Variants in LRRC8C observed in about 807,000 individuals in gnomAD.
LRRC8C encodes the protein leucine rich repeat containing 8 VRAC subunit C.
LRRC8C carries 20 observed loss-of-function variants against 55.3 expected under a neutral mutation model. The observed-to-expected ratio is 0.36, with a 90% CI of 0.25 to 0.53. The LOEUF (loss-of-function observed/expected upper bound fraction) is 0.53, where lower values mean the gene tolerates loss of function less well. Among genes scored for constraint, LRRC8C ranks in the 20% least tolerant of loss-of-function variants. LRRC8C has a pLI of 0.92. For synonymous variants in LRRC8C, 376 were observed against 360.7 expected, an observed-to-expected ratio of 1.04 and a Z score of -0.48; for missense variants, 659 against 951.4, an observed-to-expected ratio of 0.69 and a Z score of 4.04.
At chr1:89,687,828 A>G (rs148436426) in intron 2 of LRRC8C, among the ~76,000 whole-genome samples, 160 of 152,352 alleles carry the variant, frequency 1.1e-3, no homozygotes, top group African/African-American at 3.7e-3. Context: ...TTTTTCGGGT[A>G]GATCAGCTGG....
intron 2 of LRRC8C, among the ~76,000 whole-genome samples, chr1:89,692,410 GTTGATAT>G (rs1658051043): frequency 6.6e-6 from 1 of 152,174 alleles, no homozygotes; most frequent in South Asian, 2.1e-4. Flanking sequence ...CAAGTTAACA[GTTGATAT>G]CTGTTTACTC....
At chr1:89,706,886 G>A (rs1658495739) in intron 2 of LRRC8C, among the ~76,000 whole-genome samples, 1 of 152,128 alleles carries the variant, frequency 6.6e-6, no homozygotes, top group African/African-American at 2.4e-5. Flanking sequence ...AAAAATAGCT[G>A]TTGTGTTTTC....
At position 89,713,721 on chromosome 1, in the gene LRRC8C, A is replaced by C; in HGVS notation, c.1151A>C (p.Tyr384Ser). 6.2e-7 allele frequency: 1 copy of C among 1,614,198 alleles called. No individual in the cohort carries two copies. The highest frequency in any genetic ancestry group is 8.5e-7 in the Non-Finnish European group (1 of 1,180,032). ...ATGATAGATCAGTATGACCCTCTCT[A>C]TTCCAAGAGATTTGCAGTGTTCCTG... ...LHMIDQYDPLYSKRFAVFLSE... is the reference protein window; with the variant it reads ...LHMIDQYDPLSSKRFAVFLSE... The change falls in exon 3 of 3, where the codon TAT (tyrosine) becomes TCT (serine). Residue 384 changes from tyrosine to serine, a missense_variant. By Grantham distance (144) the Tyr-to-Ser change is moderately radical. Transcript: ENST00000370454. This position sits in a 1 kb window ranked among gnomAD's most constrained non-coding sequence, Gnocchi z 5.2.
At chr1:89,706,699 A>G (rs1227471237) in intron 2 of LRRC8C, among the ~76,000 whole-genome samples, 1 of 152,136 alleles carries the variant, frequency 6.6e-6, no homozygotes, top group Admixed American at 6.5e-5. Flanking sequence ...CTAGATTCGA[A>G]CAGCATTTTC....
chr1:89,680,520 A>T, intron 1 of LRRC8C, among the ~76,000 whole-genome samples: 1 of 137,632 alleles, frequency 7.3e-6, no homozygotes, highest in East Asian at 2.2e-4. Flanking sequence ...TTGGTAGTTG[A>T]TAAGTGCCAG....
intron 1 of LRRC8C, among the ~76,000 whole-genome samples, chr1:89,677,770 A>G (rs1376542603): frequency 6.6e-6 from 1 of 152,136 alleles, no homozygotes; most frequent in Non-Finnish European, 1.5e-5. Flanking sequence ...ATACATTTCT[A>G]CAGAACCATA....
chr1:89,644,941 G>A (rs993517866), intron 1 of LRRC8C, among the ~76,000 whole-genome samples: 3 of 152,052 alleles, frequency 2.0e-5, no homozygotes, highest in Non-Finnish European at 2.9e-5. Flanking sequence ...TTTTCCAAAG[G>A]GAAATAATAG....
rs755192499 is a variant in LRRC8C, at chr1:89,712,841, C to A, written c.271C>A (p.Pro91Thr). Reference protein sequence around the residue: ...LPPPKPSPANPITVEMKGLKT... With the variant: ...LPPPKPSPANTITVEMKGLKT... ...TCCACCTAAACCATCTCCTGCTAACCCCATCACTGTGGAAATGAAAGGCCT... is the reference window on the plus strand; with the variant it reads ...TCCACCTAAACCATCTCCTGCTAACACCATCACTGTGGAAATGAAAGGCCT... Residue 91 changes from proline to threonine, a missense_variant, in exon 3 of 3, where the codon CCC (proline) becomes ACC (threonine). By Grantham distance (38) the Pro-to-Thr change is conservative. Coordinates refer to ENST00000370454, the MANE Select transcript of LRRC8C (RefSeq NM_032270.5). The A allele has an allele frequency of 6.2e-7, 1 of 1,614,100 alleles. No individual in the cohort carries two copies. The highest frequency in any genetic ancestry group is 1.3e-5 in the African/African-American group (1 of 74,930).
At position 89,707,724 on chromosome 1, in the gene LRRC8C, C is replaced by A. The variant is rs547252788; in HGVS notation, c.139-4985C>A. 9.5e-4 allele frequency among the ~76,000 whole-genome samples: 145 copies of A among 151,930 alleles called. 1 individual carries two copies. Among genetic ancestry groups the A allele is most frequent in the African/African-American group, 3.4e-3 (141 of 41,340 alleles). The stretch of plus-strand genomic sequence containing the variant: ...GAAAGATTGAAAGGTATTTCTATCT[C>A]AAAATAGAAATAATGAGCATATACT... On this transcript the variant is annotated intron_variant, in intron 2 of 2. Transcript: ENST00000370454.
the LRRC8C span, among the ~76,000 whole-genome samples, chr1:89,620,211 T>C: frequency 2.7e-3 from 413 of 152,222 alleles, 1 homozygote; most frequent in African/African-American, 9.5e-3. Flanking sequence ...ATTAATCCCA[T>C]TCATGATGCT....
intron 2 of LRRC8C, among the ~76,000 whole-genome samples, chr1:89,692,830 A>T (rs1658061464): frequency 1.3e-5 from 2 of 152,212 alleles, no homozygotes; most frequent in Non-Finnish European, 2.9e-5. Context: ...CATTCAACAA[A>T]ATAGACCATA....
At chr1:89,680,338 A>G (rs1439702562) in intron 1 of LRRC8C, among the ~76,000 whole-genome samples, 1 of 152,040 alleles carries the variant, frequency 6.6e-6, no homozygotes, top group Non-Finnish European at 1.5e-5. Flanking sequence ...CGGCCTCCCA[A>G]AGTGCTGGGA....
At chr1:89,665,320 T>C (rs1657230605) in intron 1 of LRRC8C, among the ~76,000 whole-genome samples, 1 of 152,214 alleles carries the variant, frequency 6.6e-6, no homozygotes, top group South Asian at 2.1e-4. Context: ...ACCTAGTTTA[T>C]TGAGAGTTTT....
At position 89,712,925 on chromosome 1, in the gene LRRC8C, G is replaced by T. The variant is rs1399771870; in HGVS notation, c.355G>T (p.Ala119Ser). ...TATAAATCAGATGTGTTATGAGCGA[G>T]CCCTCCACTGGTATGCCAAGTATTT... is the stretch of plus-strand genomic sequence containing the variant. ...SFINQMCYER[A>S]LHWYAKYFPY... The change falls in exon 3 of 3, where the codon GCC becomes TCC. Residue 119 changes from alanine (A) to serine (S), a missense_variant. By Grantham distance (99) the Ala-to-Ser change is moderately conservative. This residue lies in a region of LRRC8C where 200 missense variants were observed against 360.5 expected (regional missense o/e 0.55). Transcript: ENST00000370454. The T allele has an allele frequency of 1.9e-6, 3 of 1,614,158 alleles. No individual in the cohort carries two copies. The highest frequency in any genetic ancestry group is 2.5e-6 in the Non-Finnish European group (3 of 1,180,018).
the LRRC8C span, among the ~76,000 whole-genome samples, chr1:89,619,875 C>T: frequency 6.6e-6 from 1 of 152,072 alleles, no homozygotes; most frequent in African/African-American, 2.4e-5. Flanking sequence ...CTATAATTAC[C>T]CCCATTTATT....
In LRRC8C at chr1:89,719,399, A is replaced by G. The variant is rs947602635; in HGVS notation, c.*4417A>G. 6.6e-6 allele frequency: 1 copy of G among 152,190 alleles called. No individual in the cohort carries two copies. Among genetic ancestry groups the G allele is most frequent in the Non-Finnish European group, 1.5e-5 (1 of 68,028 alleles). The allele number at this position is 152,190 out of a possible 1,614,324, so 9.4% of individuals were successfully genotyped here. ...GTCTGTATGTATGTCAAAAGCTGGC[A>G]AAACCTCTAAAACTGTCAAGAAAAT... is the stretch of plus-strand genomic sequence containing the variant. On this transcript the variant is annotated 3_prime_UTR_variant, in exon 3 of 3. Transcript: ENST00000370454.
chr1:89,713,224 G>C lies in LRRC8C; in HGVS notation c.654G>C (p.Glu218Asp). The change falls in exon 3 of 3, where the codon GAG (glutamate) becomes GAC (aspartate). Residue 218 changes from glutamate to aspartate, a missense_variant. By Grantham distance (45) the Glu-to-Asp change is conservative. Coordinates refer to ENST00000370454, the MANE Select transcript of LRRC8C (RefSeq NM_032270.5). The surrounding 1 kb of genome is among the most constrained non-coding windows in gnomAD (Gnocchi z 5.2). ...VNSQSLKSIP[E>D]KFVVDKSTAG... ...CTCAGTCTTTAAAGTCCATTCCTGA[G>C]AAGTTTGTAGTTGATAAATCCACTG... 6.2e-7 allele frequency: 1 copy of C among 1,614,210 alleles called. No homozygotes were observed. The highest frequency in any genetic ancestry group is 8.5e-7 in the Non-Finnish European group (1 of 1,180,048).
At chr1:89,686,776 G>A (rs1280917428) in intron 2 of LRRC8C, among the ~76,000 whole-genome samples, 165 bp downstream of exon 2, 1 of 152,190 alleles carries the variant, frequency 6.6e-6, no homozygotes, top group Non-Finnish European at 1.5e-5. Context: ...CCTATTTACT[G>A]GGATTTCCTA....
the LRRC8C span, among the ~76,000 whole-genome samples, chr1:89,623,753 A>C: frequency 6.6e-6 from 1 of 152,216 alleles, no homozygotes; most frequent in Non-Finnish European, 1.5e-5. Flanking sequence ...CAACAGGCCT[A>C]GAAAAGCATT....
Sources: gnomAD v4.1 joint callset for allele counts (sites outside exome capture counted in the v4.1 genomes callset) on GRCh38, gnomAD v4.1.1 for gene constraint, gnomAD v4.1.1 regional missense constraint, Gnocchi (gnomAD v3.1) non-coding constraint, MANE v1.5 for transcripts, NCBI Gene and HGNC (gene_info 2026-07-23, HGNC 2026-07-21) for gene names.